Variants in CELSR1 observed in about 807,000 individuals in gnomAD.
CELSR1 encodes adhesion G protein-coupled receptor C1.
In CELSR1, 110 loss-of-function variants were observed where a neutral mutation model predicts 249.1. That is an observed-to-expected ratio of 0.44 (90% CI 0.38 to 0.52). The LOEUF (loss-of-function observed/expected upper bound fraction) is 0.52. Ranked by LOEUF, CELSR1 falls within the 20% of genes least tolerant of loss-of-function variation. The probability of loss-of-function intolerance (pLI) is 0.00; values close to 1 mark genes in which losing one functional copy is unlikely to be tolerated. For missense variants in CELSR1, 4,109 were observed against 4,296.4 expected (o/e 0.96, Z 1.22); for synonymous variants, 2,113 against 1,900.0 (o/e 1.11, Z -2.92).
intron 1 of CELSR1, among the ~76,000 whole-genome samples, chr22:46,492,457 A>T (rs1473248222): frequency 6.6e-6 from 1 of 152,104 alleles, no homozygotes; most frequent in Admixed American, 6.6e-5. Context: ...TTTCCATAAA[A>T]ATGCACCCCT....
Position 46,484,074 on chromosome 22 carries a change from C to T in CELSR1, c.3545-19729G>A, listed in dbSNP as rs974069329. On this transcript the variant is annotated intron_variant, in intron 1 of 34. Transcript: ENST00000674500. This position sits in a 1 kb window ranked among gnomAD's most constrained non-coding sequence, Gnocchi z 4.5. ...TCCCAGGCTCCCACGGGCTCCCACG[C>T]TCTGCCCTGGCTCTCAGACTCACCT... is the stretch of plus-strand genomic sequence containing the variant. Among the ~76,000 whole-genome samples, 36 of 152,228 alleles carry T rather than the reference C, an allele frequency of 2.4e-4. No individual in the cohort carries two copies. Among genetic ancestry groups the T allele is most frequent in the Admixed American group, 2.2e-3 (34 of 15,288 alleles).
rs759289094 is a variant in CELSR1, at chr22:46,410,533, G to C, written c.4798C>G (p.Leu1600Val). 1 of 1,614,040 alleles carries C rather than the reference G, an allele frequency of 6.2e-7. No homozygotes were observed. Among genetic ancestry groups the C allele is most frequent in the Admixed American group, 1.7e-5 (1 of 60,032 alleles). ...TCTGGCAGGTTGGGGACACCCCCCAGGAGTAGAGGGCCGGTCAGATCCAGG... is the reference window on the plus strand; with the variant it reads ...TCTGGCAGGTTGGGGACACCCCCCACGAGTAGAGGGCCGGTCAGATCCAGG... ...KSLDLTGPLL[L>V]GGVPNLPEDF... Residue 1600 changes from leucine to valine, a missense_variant, in exon 7 of 35, where the codon CTG becomes GTG. Leu to Val is a conservative substitution (Grantham distance 32, BLOSUM62 1). Coordinates refer to ENST00000674500, the MANE Select transcript of CELSR1 (RefSeq NM_001378328.1). This position sits in a 1 kb window ranked among gnomAD's most constrained non-coding sequence, Gnocchi z 6.8.
chr22:46,475,802 G>A (rs181081422), intron 1 of CELSR1, among the ~76,000 whole-genome samples: 7 of 152,190 alleles, frequency 4.6e-5, no homozygotes, highest in Admixed American at 1.3e-4. Context: ...CTGATTTCAT[G>A]TACAAAATAA....
At chr22:46,510,068 G>A (rs1056536401) in intron 1 of CELSR1, among the ~76,000 whole-genome samples, 2 of 152,210 alleles carry the variant, frequency 1.3e-5, no homozygotes, top group Non-Finnish European at 2.9e-5. Flanking sequence ...CAGAAGGCTG[G>A]CTCTAAAACC....
chr22:46,505,690 G>T (rs534098260), intron 1 of CELSR1, among the ~76,000 whole-genome samples: 3 of 152,104 alleles, frequency 2.0e-5, no homozygotes, highest in Non-Finnish European at 4.4e-5. Flanking sequence ...TTGGAGGTGG[G>T]TGGGGAAACA....
chr22:46,529,751 C>A (rs1049386648), intron 1 of CELSR1, among the ~76,000 whole-genome samples: 1 of 150,694 alleles, frequency 6.6e-6, no homozygotes, highest in Admixed American at 6.6e-5. Flanking sequence ...TGCAGTGAGC[C>A]GAGATCATGT....
chr22:46,369,407 TCCACCCACTGCCCCACAGCGC>T, intron 26 of CELSR1, 149 bp from the exon 27 acceptor site: 1 of 690,824 alleles, frequency 1.4e-6, no homozygotes, highest in Non-Finnish European at 2.5e-6. Flanking sequence ...AGCACACCTG[TCCACCCACTGCCCCACAGCGC>T]CCACCACACC....
chr22:46,479,431 G>A (rs2080244018), intron 1 of CELSR1, among the ~76,000 whole-genome samples: 1 of 152,080 alleles, frequency 6.6e-6, no homozygotes, highest in East Asian at 2.0e-4. Context: ...CACTCCAGGT[G>A]AGCCTCAAGC....
chr22:46,514,456 G>A (rs753671851), intron 1 of CELSR1, among the ~76,000 whole-genome samples: 1 of 152,148 alleles, frequency 6.6e-6, no homozygotes, highest in African/African-American at 2.4e-5. Context: ...ATCCCCGGGG[G>A]CCCAAGGCCA....
chr22:46,512,345 CG>C lies in CELSR1; in HGVS notation c.3544+21281del, dbSNP rs376371443. Among the ~76,000 whole-genome samples the C allele has an allele frequency of 1.4e-4, 22 of 152,158 alleles. No homozygotes were observed. Among genetic ancestry groups the C allele is most frequent in the African/African-American group, 5.3e-4 (22 of 41,466 alleles). ...CAGCACTTTGGGAGGCCAAGGCAGG[CG>C]GATCACATGAGGTCAGGAGATCGAG... On this transcript the variant is annotated intron_variant, in intron 1 of 34. Transcript: ENST00000674500. The surrounding 1 kb of genome is among the most constrained non-coding windows in gnomAD (Gnocchi z 5.2).
intron 1 of CELSR1, among the ~76,000 whole-genome samples, chr22:46,497,587 G>A (rs1446549830): frequency 6.6e-6 from 1 of 152,124 alleles, no homozygotes; most frequent in Non-Finnish European, 1.5e-5. Flanking sequence ...TCTTTTAGAA[G>A]GACTTGCCAT....
chr22:46,535,977 G>A lies in CELSR1; in HGVS notation c.1194C>T (p.Asp398=), dbSNP rs1231084416. The A allele has an allele frequency of 9.9e-6, 16 of 1,610,388 alleles. No homozygotes were observed. In the African/African-American group the frequency reaches 1.6e-4, roughly 16 times the overall value. ...CAGAGCTCTCGTTGAGCTGGAAGAC[G>A]TCCCACGCGCCCCCCAACACGCGGT... ...LRYRVLGGAW[D]VFQLNESSGV... Residue 398 remains aspartate (D), a synonymous_variant, in exon 1 of 35, where the codon GAC becomes GAT. Coordinates refer to ENST00000674500, the MANE Select transcript of CELSR1 (RefSeq NM_001378328.1).
Position 46,428,311 on chromosome 22 carries a change from T to A in CELSR1, c.4611+5082A>T, listed in dbSNP as rs922390948. Among the ~76,000 whole-genome samples the A allele has an allele frequency of 6.6e-6, 1 of 152,238 alleles. No individual in the cohort carries two copies. Among genetic ancestry groups the A allele is most frequent in the Non-Finnish European group, 1.5e-5 (1 of 68,046 alleles). On this transcript the variant is annotated intron_variant, in intron 5 of 34. Coordinates refer to ENST00000674500, the MANE Select transcript of CELSR1 (RefSeq NM_001378328.1). This position sits in a 1 kb window ranked among gnomAD's most constrained non-coding sequence, Gnocchi z 5.7. Reference sequence around the variant, plus strand: ...CAGCCAGCTCAGGCATGGGGCTTCATTGCGTGTGGTCTAGCCACCCGTGGC... The same window carrying A: ...CAGCCAGCTCAGGCATGGGGCTTCAATGCGTGTGGTCTAGCCACCCGTGGC...
rs140796935 is a variant in CELSR1 at position 46,429,526 on chromosome 22, C to T, written c.4611+3867G>A. Among the ~76,000 whole-genome samples, 5 of 152,342 alleles carry T rather than the reference C, an allele frequency of 3.3e-5. No individual in the cohort carries two copies. Among genetic ancestry groups the T allele is most frequent in the African/African-American group, 7.2e-5 (3 of 41,564 alleles). ...GAAAAGACCGTCCTGGAAAAACGTC[C>T]GACTCCAATGTACCCTTTGGTTTTG... On this transcript the variant is annotated intron_variant, in intron 5 of 34. Coordinates refer to ENST00000674500, the MANE Select transcript of CELSR1 (RefSeq NM_001378328.1). This position sits in a 1 kb window ranked among gnomAD's most constrained non-coding sequence, Gnocchi z 4.1.
At position 46,471,984 on chromosome 22, in the gene CELSR1, G is replaced by T. The variant is rs1480909434; in HGVS notation, c.3545-7639C>A. On this transcript the variant is annotated intron_variant, in intron 1 of 34. Coordinates refer to ENST00000674500, the MANE Select transcript of CELSR1 (RefSeq NM_001378328.1). This position sits in a 1 kb window ranked among gnomAD's most constrained non-coding sequence, Gnocchi z 4.9. ...AGTACAGGTCAGTTCACAGTTTGGG[G>T]TCTGCTTGATTCCGGGAGGCACGGC... 6.6e-6 allele frequency among the ~76,000 whole-genome samples: 1 copy of T among 152,148 alleles called. No homozygotes were observed. The highest frequency in any genetic ancestry group is 1.5e-5 in the Non-Finnish European group (1 of 68,044).
Position 46,454,546 on chromosome 22 carries a change from A to G in CELSR1, c.4183+9161T>C, listed in dbSNP as rs6007917. Among the ~76,000 whole-genome samples, 12,476 of 152,224 alleles carry G rather than the reference A, an allele frequency of 0.082. 1,683 individuals carry two copies. The highest frequency in any genetic ancestry group is 0.28 in the African/African-American group (11,763 of 41,512). On this transcript the variant is annotated intron_variant, in intron 2 of 34. Transcript: ENST00000674500. The surrounding 1 kb of genome is among the most constrained non-coding windows in gnomAD (Gnocchi z 5.1). ...TGCTTTAAACCACAGCGAGGTTTCTATTGCATGCGGCTCGTCTTCAGGCCA... is the reference window on the plus strand; with the variant it reads ...TGCTTTAAACCACAGCGAGGTTTCTGTTGCATGCGGCTCGTCTTCAGGCCA...
intron 5 of CELSR1, among the ~76,000 whole-genome samples, chr22:46,420,706 C>T (rs1021482251): frequency 1.3e-5 from 2 of 152,202 alleles, no homozygotes; most frequent in Admixed American, 1.3e-4. Flanking sequence ...CTAATAGTCC[C>T]CTCTCTGTCC....
intron 1 of CELSR1, among the ~76,000 whole-genome samples, chr22:46,476,373 A>G (rs1359252453): frequency 6.6e-6 from 1 of 152,092 alleles, no homozygotes; most frequent in Non-Finnish European, 1.5e-5. Context: ...AGGTGGGTGG[A>G]TTGCCTGAGC....
rs2079529732 is a variant in CELSR1, at chr22:46,425,716, AAG to A, written c.4611+7675_4611+7676del. Among the ~76,000 whole-genome samples, 17 of 146,096 alleles carry A rather than the reference AAG, an allele frequency of 1.2e-4. No homozygotes were observed. The South Asian group carries it at 3.7e-3, about 32-fold the overall frequency. On this transcript the variant is annotated intron_variant, in intron 5 of 34. Coordinates refer to ENST00000674500, the MANE Select transcript of CELSR1 (RefSeq NM_001378328.1). ...CTTTGAAAAGATTTTGTTAATCTTAAAGAATCGGCTCTTTGTTTCATTGATTT... is the reference window on the plus strand; with the variant it reads ...CTTTGAAAAGATTTTGTTAATCTTAAAATCGGCTCTTTGTTTCATTGATTT...
Sources: allele counts gnomAD v4.1 joint callset (sites outside exome capture counted in the v4.1 genomes callset), GRCh38; gene constraint gnomAD v4.1.1; non-coding constraint Gnocchi (gnomAD v3.1); transcripts MANE v1.5; gene names NCBI Gene and HGNC (gene_info 2026-07-23, HGNC 2026-07-21).